EGFLAM: variants seen among roughly 807,000 people sequenced by gnomAD.
EGFLAM encodes the protein pikachurin.
In EGFLAM, 79 loss-of-function variants were observed where a neutral mutation model predicts 113.1. The observed-to-expected ratio is 0.70, with a 90% CI of 0.58 to 0.84. EGFLAM has a LOEUF of 0.84. EGFLAM is among the 40% of genes least tolerant of loss of function. EGFLAM has a pLI of 0.00. For synonymous variants in EGFLAM, 504 were observed against 487.6 expected (o/e 1.03, Z -0.44); for missense variants, 1,265 against 1,291.6 (o/e 0.98, Z 0.32).
At chr5:38,335,661 A>G (rs1335810884) in intron 1 of EGFLAM, among the ~76,000 whole-genome samples, 2 of 152,174 alleles carry the variant, frequency 1.3e-5, no homozygotes, top group African/African-American at 2.4e-5. Flanking sequence ...TAAGAATTAA[A>G]TCTCTGAGTG....
chr5:38,361,703 A>G (rs535780995), intron 5 of EGFLAM, among the ~76,000 whole-genome samples: 3 of 152,318 alleles, frequency 2.0e-5, no homozygotes, highest in African/African-American at 7.2e-5. Flanking sequence ...CCTAGGCCGC[A>G]TGTGGCCCTC....
At chr5:38,425,667 A>G (rs1160917145) in intron 13 of EGFLAM, among the ~76,000 whole-genome samples, 4 of 152,216 alleles carry the variant, frequency 2.6e-5, no homozygotes, top group South Asian at 4.1e-4. Context: ...TCCGTCCCTC[A>G]GCCAAACATA....
chr5:38,303,497 T>G (rs1758647048), intron 1 of EGFLAM, among the ~76,000 whole-genome samples: 1 of 152,136 alleles, frequency 6.6e-6, no homozygotes, highest in African/African-American at 2.4e-5. Context: ...CTATAGGGCT[T>G]CTGAGTTTTG....
chr5:38,352,731 A>C (rs1739663586), intron 5 of EGFLAM, among the ~76,000 whole-genome samples: 1 of 152,014 alleles, frequency 6.6e-6, no homozygotes, highest in Admixed American at 6.6e-5. Flanking sequence ...CCAGGTCTCT[A>C]CCATATATAT....
chr5:38,352,076 G>A (rs1739641761), intron 4 of EGFLAM, 120 bp from the exon 5 acceptor site: 3 of 1,412,448 alleles, frequency 2.1e-6, no homozygotes, highest in East Asian at 2.3e-5. Flanking sequence ...GGAAGCACTC[G>A]AGCTGTTTAT....
At chr5:38,392,265 A>C (rs1159728561) in intron 6 of EGFLAM, among the ~76,000 whole-genome samples, 1 of 152,238 alleles carries the variant, frequency 6.6e-6, no homozygotes, top group Non-Finnish European at 1.5e-5. Context: ...AGCTCCATCC[A>C]CATTTCTGCA....
chr5:38,376,147 G>A (rs991811677), intron 6 of EGFLAM, among the ~76,000 whole-genome samples: 1 of 152,014 alleles, frequency 6.6e-6, no homozygotes, highest in Admixed American at 6.6e-5. Flanking sequence ...CAGAACTGGG[G>A]GCTTTGTAAA....
rs369562167 is a variant in EGFLAM, at chr5:38,370,285, A to G, written c.546-11A>G. On this transcript the variant is annotated splice_polypyrimidine_tract_variant and intron_variant, in intron 5 of 21. Transcript: ENST00000322350. ...GAACTACTGCTTCTTCTGTTTTTCT[A>G]ATCAATAAAGGCCAGATTTCGACAA... The G allele has an allele frequency of 7.5e-6, 12 of 1,609,070 alleles. No individual in the cohort carries two copies. The highest frequency in any genetic ancestry group is 8.5e-7 in the Non-Finnish European group (1 of 1,176,268).
intron 1 of EGFLAM, among the ~76,000 whole-genome samples, chr5:38,327,017 C>G (rs1175559089): frequency 6.6e-6 from 1 of 151,870 alleles, no homozygotes; most frequent in Non-Finnish European, 1.5e-5. Context: ...AGGCTGGTTT[C>G]AAACCCCTGA....
chr5:38,336,570 T>TACACACACACACAC (rs148241267), intron 1 of EGFLAM, among the ~76,000 whole-genome samples: 10,043 of 142,082 alleles, frequency 0.071, 404 homozygotes, highest in African/African-American at 0.09. Context: ...TGAGACTCCG[T>TACACACACACACAC]ACACACACAC....
At chr5:38,284,505 G>A (rs1650075987) in intron 1 of EGFLAM, among the ~76,000 whole-genome samples, 1 of 152,176 alleles carries the variant, frequency 6.6e-6, no homozygotes. Context: ...GGCCAAATGT[G>A]GTCCATGGGC....
rs1157671035 is a variant in EGFLAM at position 38,418,176 on chromosome 5, G to T, written c.1605G>T (p.Val535=). 1 of 1,614,176 alleles carries T rather than the reference G, an allele frequency of 6.2e-7. No homozygotes were observed. ...CAAACCGAGGCTTTCAAGGCTGTGT[G>T]CAGTCGCTCGCTGTGAATGGGAGGA... ...TGTNRGFQGC[V]QSLAVNGRRI... is the part of the protein sequence containing the mutation. The change falls in exon 12 of 22, where the codon GTG becomes GTT. Residue 535 remains valine (V), a synonymous_variant. Transcript: ENST00000322350.
intron 1 of EGFLAM, among the ~76,000 whole-genome samples, chr5:38,266,545 C>T (rs1219048523): frequency 1.3e-5 from 2 of 152,174 alleles, no homozygotes; most frequent in Non-Finnish European, 2.9e-5. Flanking sequence ...AAGTAATAAA[C>T]ATAGACATTT....
chr5:38,355,147 T>A (rs1739733506), intron 5 of EGFLAM, among the ~76,000 whole-genome samples: 2 of 152,084 alleles, frequency 1.3e-5, no homozygotes, highest in African/African-American at 4.8e-5. Context: ...GATATATATA[T>A]AAGGGTGTGT....
intron 1 of EGFLAM, among the ~76,000 whole-genome samples, chr5:38,335,758 G>A (rs1194509833): frequency 1.3e-5 from 2 of 152,156 alleles, no homozygotes; most frequent in African/African-American, 2.4e-5. Context: ...TCTATCACTT[G>A]ATCCACTAGA....
At chr5:38,410,870 T>C (rs1475503936) in intron 10 of EGFLAM, among the ~76,000 whole-genome samples, 2 of 152,192 alleles carry the variant, frequency 1.3e-5, no homozygotes, top group Admixed American at 1.3e-4. Flanking sequence ...TGAATATCAC[T>C]GAGCTTTATT....
rs1254271693 is a variant in EGFLAM, at chr5:38,312,248, T to TC, written c.98-25272_98-25271insC. Among the ~76,000 whole-genome samples the TC allele has an allele frequency of 3.3e-5, 5 of 151,890 alleles. No homozygotes were observed. The East Asian group carries it at 9.7e-4, about 29-fold the overall frequency. ...TCTATCTCTCTGTATCTCAGATTTT[T>TC]TTTTTTTTTTTGAGACAGAGTCTCG... On this transcript the variant is annotated intron_variant, in intron 1 of 21. Transcript: ENST00000322350.
chr5:38,421,002 T>G (rs1313691233), intron 12 of EGFLAM, among the ~76,000 whole-genome samples: 3 of 152,192 alleles, frequency 2.0e-5, no homozygotes, highest in African/African-American at 7.2e-5. Context: ...GGGCTGATTA[T>G]CCTTCCTCAG....
chr5:38,430,044 T>C (rs984131217), intron 14 of EGFLAM: 1 of 226,096 alleles, frequency 4.4e-6, no homozygotes, highest in Non-Finnish European at 9.4e-6. Context: ...GGATATCCGG[T>C]GGCTGTAGGG....
Sources: allele counts gnomAD v4.1 joint callset (sites outside exome capture counted in the v4.1 genomes callset), GRCh38; gene constraint gnomAD v4.1.1; transcripts MANE v1.5; gene names NCBI Gene and HGNC (gene_info 2026-07-23, HGNC 2026-07-21).